The following RNF180 variants were observed in gnomAD, a reference collection of about 807,000 sequenced individuals.
The protein encoded by RNF180 is ring finger protein 180, also known as E3 ubiquitin-protein ligase RNF180.
RNF180 carries 38 observed loss-of-function variants against 59.2 expected under a neutral mutation model. The observed-to-expected ratio is 0.64, with a 90% CI of 0.50 to 0.84. RNF180 has a LOEUF of 0.84. Among genes scored for constraint, RNF180 ranks in the 40% least tolerant of loss-of-function variants. RNF180 has a pLI of 0.00. For synonymous variants in RNF180, 262 were observed against 240.3 expected (o/e 1.09, Z -0.84); for missense variants, 705 against 700.9 (o/e 1.01, Z -0.07).
intron 5 of RNF180, among the ~76,000 whole-genome samples, chr5:64,272,709 A>G (rs556760141): frequency 1.3e-5 from 2 of 152,200 alleles, no homozygotes; most frequent in Middle Eastern, 3.4e-3. Flanking sequence ...AAACGTAGAA[A>G]GACAGGAATG....
intron 5 of RNF180, among the ~76,000 whole-genome samples, chr5:64,324,457 C>G (rs975391027): frequency 1.3e-5 from 2 of 152,252 alleles, no homozygotes; most frequent in Non-Finnish European, 2.9e-5. Context: ...CAGACAGAAA[C>G]TCCACACAGA....
rs912981242 is a variant in RNF180, at chr5:64,324,592, G to A, written c.1228-594G>A. On this transcript the variant is annotated intron_variant, in intron 5 of 7. Coordinates refer to ENST00000389100, the MANE Select transcript of RNF180 (RefSeq NM_001113561.2). ...CCTAACAATTCCATTTGGGAGGGGA[G>A]AGAGGCTCATCATGTTTCCCCATAG... Among the ~76,000 whole-genome samples the A allele has an allele frequency of 5.3e-5, 8 of 152,222 alleles. 1 individual carries two copies. Among genetic ancestry groups the A allele is most frequent in the Non-Finnish European group, 1.2e-4 (8 of 68,046 alleles).
intron 7 of RNF180, among the ~76,000 whole-genome samples, chr5:64,347,340 G>A (rs75830641): frequency 0.045 from 6,880 of 152,250 alleles, 513 homozygotes; most frequent in African/African-American, 0.15. Flanking sequence ...AACAAGAGGA[G>A]TGGTTTAAAA....
chr5:64,247,878 C>T (rs987801825), intron 5 of RNF180, among the ~76,000 whole-genome samples: 4 of 152,064 alleles, frequency 2.6e-5, no homozygotes, highest in African/African-American at 9.7e-5. Flanking sequence ...GCTACAGTAA[C>T]CAAAACAGCA....
intron 7 of RNF180, among the ~76,000 whole-genome samples, chr5:64,354,851 A>G (rs1297313334): frequency 6.6e-6 from 1 of 151,922 alleles, no homozygotes; most frequent in Non-Finnish European, 1.5e-5. Context: ...GATACAGAAA[A>G]GCATTCGACA....
chr5:64,344,116 TA>T (rs1037380963), intron 7 of RNF180, among the ~76,000 whole-genome samples: 4 of 151,286 alleles, frequency 2.6e-5, no homozygotes, highest in African/African-American at 7.3e-5. Context: ...ATCTAGAAAA[TA>T]AAAAATGTAA....
intron 7 of RNF180, among the ~76,000 whole-genome samples, chr5:64,362,381 C>T (rs935002560): frequency 1.3e-5 from 2 of 151,694 alleles, no homozygotes; most frequent in African/African-American, 4.8e-5. Flanking sequence ...GGATAATGGC[C>T]TCCAGCCCCA....
intron 5 of RNF180, among the ~76,000 whole-genome samples, chr5:64,228,699 T>C (rs944641553): frequency 6.6e-6 from 1 of 152,122 alleles, no homozygotes; most frequent in East Asian, 1.9e-4. Context: ...TTATAAGTCA[T>C]TACCCTAATA....
intron 5 of RNF180, among the ~76,000 whole-genome samples, chr5:64,264,517 G>C (rs112470824): frequency 1.3e-5 from 2 of 152,116 alleles, no homozygotes; most frequent in East Asian, 3.9e-4. Context: ...TGCTGAGAAT[G>C]ATGGTTTCCA....
chr5:64,314,791 C>G (rs563879604), intron 5 of RNF180, among the ~76,000 whole-genome samples: 5 of 152,138 alleles, frequency 3.3e-5, no homozygotes, highest in Non-Finnish European at 7.4e-5. Flanking sequence ...TGCATGCAGT[C>G]TATTGCCACT....
chr5:64,245,853 C>G (rs1743121448), intron 5 of RNF180, among the ~76,000 whole-genome samples: 2 of 152,232 alleles, frequency 1.3e-5, no homozygotes, highest in Admixed American at 1.3e-4. Context: ...CTAAAATCGA[C>G]CACATAATTG....
At chr5:64,260,057 A>G (rs1744235859) in intron 5 of RNF180, among the ~76,000 whole-genome samples, 1 of 152,250 alleles carries the variant, frequency 6.6e-6, no homozygotes, top group Admixed American at 6.5e-5. Context: ...TTGACTTTAT[A>G]CATACACAAT....
chr5:64,256,019 T>C lies in RNF180; in HGVS notation c.1227+38623T>C, dbSNP rs533948675. 6.8e-4 allele frequency among the ~76,000 whole-genome samples: 103 copies of C among 152,324 alleles called. 1 individual carries two copies. Among genetic ancestry groups the C allele is most frequent in the African/African-American group, 2.5e-3 (102 of 41,580 alleles). On this transcript the variant is annotated intron_variant, in intron 5 of 7. Transcript: ENST00000389100. ...TCTTCTTTTGAGAAGTGTCTGTTCA[T>C]ATCCTTCGCCCACTTGTTGATGGGG...
intron 5 of RNF180, among the ~76,000 whole-genome samples, chr5:64,273,428 GAAAA>G (rs531978667): frequency 6.6e-6 from 1 of 151,206 alleles, no homozygotes; most frequent in Admixed American, 6.6e-5. Flanking sequence ...AAACAGAAGA[GAAAA>G]AAAAGAGAAG....
intron 5 of RNF180, among the ~76,000 whole-genome samples, chr5:64,291,654 C>T (rs1473657450): frequency 6.6e-6 from 1 of 151,818 alleles, no homozygotes; most frequent in African/African-American, 2.4e-5. Context: ...GTCTCGATCT[C>T]CTGACCTCAT....
At chr5:64,355,866 C>A (rs369415184) in intron 7 of RNF180, among the ~76,000 whole-genome samples, 1 of 151,868 alleles carries the variant, frequency 6.6e-6, no homozygotes, top group East Asian at 1.9e-4. Flanking sequence ...AGTTGGACCC[C>A]TTAACTCCAA....
At chr5:64,226,367 A>G (rs1349398546) in intron 5 of RNF180, among the ~76,000 whole-genome samples, 1 of 152,170 alleles carries the variant, frequency 6.6e-6, no homozygotes, top group Non-Finnish European at 1.5e-5. Flanking sequence ...CTTACCCCCA[A>G]CCCCATGCTC....
chr5:64,221,702 A>T (rs577174962), intron 5 of RNF180, among the ~76,000 whole-genome samples: 5 of 152,322 alleles, frequency 3.3e-5, no homozygotes, highest in African/African-American at 1.2e-4. Flanking sequence ...CCTTTACCTG[A>T]AGTAATTATA....
chr5:64,355,206 CTAAT>C (rs1745969528), intron 7 of RNF180, among the ~76,000 whole-genome samples: 1 of 151,804 alleles, frequency 6.6e-6, no homozygotes, highest in African/African-American at 2.4e-5. Context: ...GCTACTAGAG[CTAAT>C]TAATTTAGCA....
Sources: allele counts gnomAD v4.1 joint callset (sites outside exome capture counted in the v4.1 genomes callset), GRCh38; gene constraint gnomAD v4.1.1; transcripts MANE v1.5; gene names NCBI Gene and HGNC (gene_info 2026-07-23, HGNC 2026-07-21).